Variants in NNT observed in about 807,000 individuals in gnomAD.
NNT encodes the protein NAD(P) transhydrogenase, mitochondrial.
Under a neutral mutation model 104.8 loss-of-function variants are expected in NNT, and 50 were observed. The observed-to-expected ratio is 0.48, with a 90% CI of 0.38 to 0.60. The LOEUF (loss-of-function observed/expected upper bound fraction) is 0.60, where lower values mean the gene tolerates loss of function less well. Among genes scored for constraint, NNT ranks in the 20% least tolerant of loss-of-function variants. The pLI, the probability that NNT is intolerant of heterozygous loss-of-function variation, is 0.00. For missense variants in NNT, 1,131 were observed against 1,330.7 expected (o/e 0.85, Z 2.33); for synonymous variants, 461 against 490.4 (o/e 0.94, Z 0.79).
Position 43,641,456 on chromosome 5 carries a change from A to G in NNT, c.965-2736A>G, listed in dbSNP as rs529956640. 8.5e-5 allele frequency among the ~76,000 whole-genome samples: 13 copies of G among 152,244 alleles called. No homozygotes were observed. The South Asian group carries it at 2.7e-3, about 32-fold the overall frequency. ...TTTAAAATTAAAACATTTTGGAGATAAGGAAAAGCACAGAGAAGAAAATAG... is the reference window on the plus strand; with the variant it reads ...TTTAAAATTAAAACATTTTGGAGATGAGGAAAAGCACAGAGAAGAAAATAG... On this transcript the variant is annotated intron_variant, in intron 7 of 21. Transcript: ENST00000344920.
intron 19 of NNT, among the ~76,000 whole-genome samples, chr5:43,688,324 G>GC (rs907331165): frequency 2.6e-5 from 4 of 151,998 alleles, no homozygotes; most frequent in East Asian, 1.9e-4. Context: ...GGGTGATGTA[G>GC]CCCCCCCACC....
intron 7 of NNT, among the ~76,000 whole-genome samples, chr5:43,635,359 C>A (rs1432857283): frequency 6.6e-6 from 1 of 152,018 alleles, no homozygotes; most frequent in Non-Finnish European, 1.5e-5. Flanking sequence ...TCTATTTAAG[C>A]CAGCTATAGG....
Position 43,656,017 on chromosome 5 carries a change from C to G in NNT, c.2237C>G (p.Thr746Ser), listed in dbSNP as rs538616634. ...NLTKIVAYLG[T>S]YIGGVTFSGS... The stretch of plus-strand genomic sequence containing the variant: ...ACCAAGATTGTGGCCTACCTCGGCA[C>G]TTACATTGGTGGCGTCACCTTTAGT... The change falls in exon 15 of 22, where the codon ACT (threonine) becomes AGT (serine). Residue 746 changes from threonine to serine, a missense_variant. By Grantham distance (58) the Thr-to-Ser change is moderately conservative. Coordinates refer to ENST00000344920, the MANE Select transcript of NNT (RefSeq NM_182977.3). 1 of 1,614,194 alleles carries G rather than the reference C, an allele frequency of 6.2e-7. No homozygotes were observed. Among genetic ancestry groups the G allele is most frequent in the Non-Finnish European group, 8.5e-7 (1 of 1,180,034 alleles).
chr5:43,678,570 T>C (rs1204023637), intron 19 of NNT, among the ~76,000 whole-genome samples: 1 of 152,208 alleles, frequency 6.6e-6, no homozygotes, highest in Non-Finnish European at 1.5e-5. Context: ...AAGCGAAGCA[T>C]TTTAACTACA....
rs1422716167 is a variant in NNT at position 43,665,777 on chromosome 5, G to A, written c.2634+6427G>A. On this transcript the variant is annotated intron_variant, in intron 17 of 21. Transcript: ENST00000344920. ...CCAGACGGGGTGGTGGCCGGGCAGA[G>A]GGGCTCACTTCCCAGACGGGGCAGC... Among the ~76,000 whole-genome samples the A allele has an allele frequency of 8.0e-5, 11 of 136,822 alleles. 3 individuals carry two copies. The highest frequency in any genetic ancestry group is 2.0e-4 in the East Asian group (1 of 5,048). The allele number at this position is 136,822 out of a possible 152,430, so 89.8% of individuals were successfully genotyped here.
rs1303300173 is a variant in NNT, at chr5:43,603,291, C to A, written c.-57C>A. The A allele has an allele frequency of 6.6e-6, 1 of 152,522 alleles. No individual in the cohort carries two copies. The highest frequency in any genetic ancestry group is 1.5e-5 in the Non-Finnish European group (1 of 68,292). 9.4% of individuals were successfully genotyped at this position (152,522 alleles called of 1,614,324 possible). On this transcript the variant is annotated 5_prime_UTR_variant, in exon 1 of 22. Coordinates refer to ENST00000344920, the MANE Select transcript of NNT (RefSeq NM_182977.3). Reference sequence around the variant, plus strand: ...AGCCCAAGGCTGTCAGCCTCCCGGCCCAGGTGAGCGCGACGGCACTGGCGG... The same window carrying A: ...AGCCCAAGGCTGTCAGCCTCCCGGCACAGGTGAGCGCGACGGCACTGGCGG...
rs765194358 is a variant in NNT at position 43,653,182 on chromosome 5, G to A, written c.2028G>A (p.Met676Ile). 3.1e-6 allele frequency: 5 copies of A among 1,614,158 alleles called. No individual in the cohort carries two copies. The South Asian group carries it at 4.4e-5, about 14-fold the overall frequency. The change falls in exon 14 of 22, where the codon ATG (methionine) becomes ATA (isoleucine). Residue 676 changes from methionine (M) to isoleucine (I), a missense_variant. Met to Ile is a conservative substitution (Grantham distance 10, BLOSUM62 1). Coordinates refer to ENST00000344920, the MANE Select transcript of NNT (RefSeq NM_182977.3). ...LKPGPELLAQ[M>I]SGAMALGGTI... is the part of the protein sequence containing the mutation. ...CGGGCCCAGAATTACTAGCTCAGAT[G>A]TCTGGAGCGATGGCTTTGGGTGGTA...
chr5:43,650,353 G>C, intron 11 of NNT, 124 bp from the exon 12 acceptor site: 1 of 614,538 alleles, frequency 1.6e-6, no homozygotes, highest in East Asian at 2.7e-5. Context: ...TAAGAAAGCT[G>C]CCTTGTTTTT....
intron 17 of NNT, among the ~76,000 whole-genome samples, chr5:43,664,104 T>C (rs1316145362): frequency 1.3e-5 from 2 of 152,202 alleles, no homozygotes; most frequent in Admixed American, 1.3e-4. Context: ...GAATTTTTGT[T>C]CTGTTGGGTG....
At chr5:43,666,191 G>A (rs1740664313) in intron 17 of NNT, among the ~76,000 whole-genome samples, 1 of 152,200 alleles carries the variant, frequency 6.6e-6, no homozygotes, top group African/African-American at 2.4e-5. Flanking sequence ...TAGACGGGGT[G>A]GTGGCAGGGC....
chr5:43,697,292 C>T (rs1337346021), intron 19 of NNT, among the ~76,000 whole-genome samples: 1 of 152,182 alleles, frequency 6.6e-6, no homozygotes, highest in African/African-American at 2.4e-5. Flanking sequence ...TTTGCTAAGA[C>T]ATAACAAGAG....
intron 19 of NNT, among the ~76,000 whole-genome samples, chr5:43,693,984 T>G (rs775063385): frequency 6.6e-6 from 1 of 152,228 alleles, no homozygotes; most frequent in Admixed American, 6.5e-5. Flanking sequence ...AAAAAATACC[T>G]ATTTAGTCTT....
rs867227555 is a variant in NNT, at chr5:43,649,306, C to T, written c.1604C>T (p.Ser535Leu). The T allele has an allele frequency of 6.2e-7, 1 of 1,613,986 alleles. No individual in the cohort carries two copies. The highest frequency in any genetic ancestry group is 8.5e-7 in the Non-Finnish European group (1 of 1,179,936). Residue 535 changes from serine to leucine, a missense_variant and splice_region_variant, in exon 11 of 22, where the codon TCA (serine) becomes TTA (leucine). By Grantham distance (145) the Ser-to-Leu change is moderately radical (BLOSUM62 -2). Coordinates refer to ENST00000344920, the MANE Select transcript of NNT (RefSeq NM_182977.3). ...CTGATGTCTGTGACAAATGCAATCTCAGGTTTGTTCCTCTCTTGTTTTTCC... is the reference window on the plus strand; with the variant it reads ...CTGATGTCTGTGACAAATGCAATCTTAGGTTTGTTCCTCTCTTGTTTTTCC... ...SPLMSVTNAISGLTAVGGLAL... is the reference protein window; with the variant it reads ...SPLMSVTNAILGLTAVGGLAL...
intron 17 of NNT, among the ~76,000 whole-genome samples, chr5:43,674,356 G>A (rs1741293982): frequency 6.6e-6 from 1 of 152,106 alleles, no homozygotes. Flanking sequence ...CAAGCTGGTA[G>A]CAGGCTGAGC....
In NNT at chr5:43,619,129, A is replaced by ATTTTATGTTT. The variant is rs747674526; in HGVS notation, c.687+10_687+11insTTTTATGTTT. The ATTTTATGTTT allele has an allele frequency of 4.7e-6, 7 of 1,487,366 alleles. No homozygotes were observed. In the African/African-American group the frequency reaches 9.9e-5, roughly 21 times the overall value. The allele number at this position is 1,487,366 out of a possible 1,614,324, so 92.1% of individuals were successfully genotyped here. ...AGTTCCTCCAGCTAAGGTAGGTACA[A>ATTTTATGTTT]CTTTTAATGTTTCTTTATAATATGC... On this transcript the variant is annotated intron_variant, in intron 5 of 21. Transcript: ENST00000344920.
At chr5:43,695,820 C>G (rs543970863) in intron 19 of NNT, among the ~76,000 whole-genome samples, 1 of 152,176 alleles carries the variant, frequency 6.6e-6, no homozygotes, top group East Asian at 1.9e-4. Flanking sequence ...TGGGAGCAAG[C>G]CAAAAAAGAG....
chr5:43,651,745 T>C lies in NNT; in HGVS notation c.1724T>C (p.Phe575Ser). 6.2e-7 allele frequency: 1 copy of C among 1,614,150 alleles called. No individual in the cohort carries two copies. The highest frequency in any genetic ancestry group is 2.2e-5 in the East Asian group (1 of 44,882). ...TTTCCTTTGGTTTGCTAAGGTGGCT[T>C]TCTGGTGACTCAGAGAATGCTGGAC... ...FISSVNIAGG[F>S]LVTQRMLDMF... is the part of the protein sequence containing the mutation. The change falls in exon 13 of 22, where the codon TTT (phenylalanine) becomes TCT (serine). Residue 575 changes from phenylalanine (F) to serine (S), a missense_variant. Transcript: ENST00000344920.
At chr5:43,693,960 C>T (rs1456240371) in intron 19 of NNT, among the ~76,000 whole-genome samples, 1 of 152,128 alleles carries the variant, frequency 6.6e-6, no homozygotes, top group African/African-American at 2.4e-5. Flanking sequence ...TTTCTACTTG[C>T]TATCAGTGCT....
intron 6 of NNT, among the ~76,000 whole-genome samples, chr5:43,626,312 T>G (rs966817166): frequency 1.3e-5 from 2 of 152,158 alleles, no homozygotes; most frequent in Non-Finnish European, 1.5e-5. Context: ...TTTGGGAAGA[T>G]GTATGTAGGC....
Sources: gnomAD v4.1 joint callset for allele counts (sites outside exome capture counted in the v4.1 genomes callset) on GRCh38, gnomAD v4.1.1 for gene constraint, MANE v1.5 for transcripts, NCBI Gene and HGNC (gene_info 2026-07-23, HGNC 2026-07-21) for gene names.